The following KANSL1L variants were observed in gnomAD, a reference collection of about 807,000 sequenced individuals.
KANSL1L encodes the protein KAT8 regulatory NSL complex subunit 1-like protein.
Under a neutral mutation model 108.6 loss-of-function variants are expected in KANSL1L, and 25 were observed. The ratio of observed to expected loss-of-function variants is 0.23; its 90% CI spans 0.17 to 0.32. The LOEUF is 0.32. Ranked by LOEUF, KANSL1L falls within the 10% of genes least tolerant of loss-of-function variation. The pLI is 1.00. For missense variants in KANSL1L, 1,137 were observed against 1,125.7 expected, an observed-to-expected ratio of 1.01 and a Z score of -0.14; for synonymous variants, 405 against 395.1, an observed-to-expected ratio of 1.03 and a Z score of -0.30.
chr2:210,106,874 G>A (rs1006624419), intron 3 of KANSL1L, among the ~76,000 whole-genome samples: 2 of 152,002 alleles, frequency 1.3e-5, no homozygotes, highest in Non-Finnish European at 2.9e-5. Flanking sequence ...GGAGTGTGAG[G>A]AGAGTGGCCC....
intron 12 of KANSL1L, among the ~76,000 whole-genome samples, chr2:210,026,913 GGTGCCCACCAC>G (rs1437852166): frequency 6.6e-6 from 1 of 152,236 alleles, no homozygotes; most frequent in East Asian, 1.9e-4. Context: ...TGGGACTACA[GGTGCCCACCAC>G]CACGCCCGAC....
chr2:210,103,648 G>A (rs967655644), intron 4 of KANSL1L, among the ~76,000 whole-genome samples: 7 of 152,138 alleles, frequency 4.6e-5, no homozygotes, highest in Non-Finnish European at 7.4e-5. Context: ...CAAAGTAATT[G>A]TTAGGAGCTT....
chr2:210,068,914 A>G (rs1156403843), intron 6 of KANSL1L, among the ~76,000 whole-genome samples: 1 of 152,158 alleles, frequency 6.6e-6, no homozygotes, highest in Non-Finnish European at 1.5e-5. Flanking sequence ...TAACCTTCCC[A>G]GCAAAAGTTT....
In KANSL1L at chr2:210,029,178, G is replaced by A. The variant is rs2125129809; in HGVS notation, c.2272-209C>T. 4 of 489,086 alleles carry A rather than the reference G, an allele frequency of 8.2e-6. No homozygotes were observed. The South Asian group carries it at 1.1e-4, about 14-fold the overall frequency. 30.3% of individuals were successfully genotyped at this position (489,086 alleles called of 1,614,324 possible). A position where few individuals can be genotyped will look rare whatever the true frequency, so the allele number is the denominator to read the frequency against. ...ATCAGAACAATCTCTTGGTAGATGT[G>A]TAATGTGTATTTATGTGTGCAAGCA... On this transcript the variant is annotated intron_variant, in intron 10 of 14. Transcript: ENST00000281772.
Position 210,168,779 on chromosome 2 carries a change from A to G in KANSL1L, c.-30+2370T>C, listed in dbSNP as rs2125694825. On this transcript the variant is annotated intron_variant, in intron 1 of 14. Transcript: ENST00000281772. ...GTTATGAATCCAACAATAATAGTAT[A>G]TTACTAACAATGTACTAGTAAACTG... Among the ~76,000 whole-genome samples, 2 of 152,266 alleles carry G rather than the reference A, an allele frequency of 1.3e-5. 1 individual carries two copies. The highest frequency in any genetic ancestry group is 4.1e-4 in the South Asian group (2 of 4,826).
At chr2:210,094,080 A>G (rs1306662513) in intron 5 of KANSL1L, among the ~76,000 whole-genome samples, 3 of 152,168 alleles carry the variant, frequency 2.0e-5, no homozygotes, top group African/African-American at 7.2e-5. Flanking sequence ...AGTATTGTTT[A>G]GTGGATATAG....
chr2:210,126,318 T>C (rs1017023638), intron 3 of KANSL1L, among the ~76,000 whole-genome samples: 1 of 152,188 alleles, frequency 6.6e-6, no homozygotes, highest in Non-Finnish European at 1.5e-5. Context: ...TTAAAGAAGA[T>C]ATAAATAAAT....
chr2:210,133,254 T>C (rs1575592140), intron 2 of KANSL1L, among the ~76,000 whole-genome samples: 1 of 152,250 alleles, frequency 6.6e-6, no homozygotes, highest in East Asian at 1.9e-4. Context: ...GCTTATAATA[T>C]CTAATACAAT....
At chr2:210,030,999 A>G (rs961431475) in intron 9 of KANSL1L, 2 of 154,668 alleles carry the variant, frequency 1.3e-5, no homozygotes, top group African/African-American at 2.4e-5. Context: ...AGCTTTATAT[A>G]TATATATAAG....
chr2:210,139,457 AT>A (rs1330372899), intron 2 of KANSL1L, among the ~76,000 whole-genome samples: 2 of 152,140 alleles, frequency 1.3e-5, no homozygotes, highest in African/African-American at 4.8e-5. Context: ...TGGTAATTCT[AT>A]TTTAAATTTC....
intron 3 of KANSL1L, among the ~76,000 whole-genome samples, chr2:210,110,718 G>C (rs549719936): frequency 1.1e-4 from 16 of 152,188 alleles, no homozygotes; most frequent in African/African-American, 1.9e-4. Context: ...AAATGGAAGA[G>C]AAAAAAATTG....
chr2:210,150,175 C>T (rs2095292292), intron 2 of KANSL1L, among the ~76,000 whole-genome samples: 1 of 152,044 alleles, frequency 6.6e-6, no homozygotes, highest in Non-Finnish European at 1.5e-5. Context: ...TTTATGTCTA[C>T]AGTCTCTGAA....
chr2:210,169,654 T>C (rs551044261), intron 1 of KANSL1L, among the ~76,000 whole-genome samples: 1 of 152,204 alleles, frequency 6.6e-6, no homozygotes, highest in Non-Finnish European at 1.5e-5. Context: ...CATAAAAAAT[T>C]ACTCCAGACA....
intron 5 of KANSL1L, among the ~76,000 whole-genome samples, chr2:210,081,773 C>G (rs576314216): frequency 7.2e-5 from 11 of 152,060 alleles, no homozygotes; most frequent in Admixed American, 1.3e-4. Flanking sequence ...ACACACTACA[C>G]CTAAATAATT....
chr2:210,079,648 A>ATATATATATATATATGTG (rs2094570793), intron 5 of KANSL1L, among the ~76,000 whole-genome samples: 2 of 15,220 alleles, frequency 1.3e-4, no homozygotes, highest in Non-Finnish European at 1.2e-4. Flanking sequence ...ATATATATAT[A>ATATATATATATATATGTG]TATATATATA....
chr2:210,083,025 G>C (rs2125354271), intron 5 of KANSL1L, among the ~76,000 whole-genome samples: 1 of 152,284 alleles, frequency 6.6e-6, no homozygotes, highest in African/African-American at 2.4e-5. Context: ...CACTGGATGA[G>C]GATGAGCCCT....
Position 210,078,392 on chromosome 2 carries a change from ATTTCT to A in KANSL1L, c.1551-2641_1551-2637del, listed in dbSNP as rs1432157978. Reference sequence around the variant, plus strand: ...ACCAGAGGAAAAAAAGTTCAGTTTTATTTCTTTTCTTATGTTCCCATCTGCAGGCA... The same window carrying A: ...ACCAGAGGAAAAAAAGTTCAGTTTTATTTCTTATGTTCCCATCTGCAGGCA... On this transcript the variant is annotated intron_variant, in intron 5 of 14. Transcript: ENST00000281772. Among the ~76,000 whole-genome samples the A allele has an allele frequency of 2.6e-5, 4 of 152,274 alleles. No individual in the cohort carries two copies. In the East Asian group the frequency reaches 5.8e-4, roughly 22 times the overall value.
At chr2:210,059,137 CAAAAA>C (rs71043969) in intron 6 of KANSL1L, among the ~76,000 whole-genome samples, 4 of 71,834 alleles carry the variant, frequency 5.6e-5, no homozygotes, top group Middle Eastern at 6.6e-3. Flanking sequence ...GACTCCGTCT[CAAAAA>C]AAAAAAAAAA....
At chr2:210,137,759 A>AGT in intron 2 of KANSL1L, among the ~76,000 whole-genome samples, 1 of 152,286 alleles carries the variant, frequency 6.6e-6, no homozygotes, top group Non-Finnish European at 1.5e-5. Flanking sequence ...GGCCAGGCAC[A>AGT]GTGGCTCATG....
Sources: allele counts gnomAD v4.1 joint callset (sites outside exome capture counted in the v4.1 genomes callset), GRCh38; gene constraint gnomAD v4.1.1; transcripts MANE v1.5; gene names NCBI Gene and HGNC (gene_info 2026-07-23, HGNC 2026-07-21).